COPG2: variants seen among roughly 807,000 people sequenced by gnomAD.
COPG2 encodes the protein coatomer subunit gamma-2.
In COPG2, 37 loss-of-function variants were observed where a neutral mutation model predicts 46.3. The ratio of observed to expected loss-of-function variants is 0.80; its 90% CI spans 0.61 to 1.05. The LOEUF is 1.05. Ranked by LOEUF, COPG2 falls within the 50% of genes least tolerant of loss-of-function variation. The pLI is 0.00. For synonymous variants in COPG2, 159 were observed against 129.7 expected, an observed-to-expected ratio of 1.23 and a Z score of -1.53; for missense variants, 427 against 387.8, an observed-to-expected ratio of 1.10 and a Z score of -0.85.
intron 15 of COPG2, 93 bp downstream of exon 15, chr7:130,552,262 T>TA (rs1793543179): frequency 2.5e-6 from 1 of 395,240 alleles, no homozygotes; most frequent in Admixed American, 4.4e-5. Context: ...TCTTAGGGCT[T>TA]AGAGTGCATC....
At chr7:130,552,572 T>C (rs1793549544) in intron 14 of COPG2, 142 bp from the exon 15 acceptor site, 1 of 392,358 alleles carries the variant, frequency 2.5e-6, no homozygotes, top group Non-Finnish European at 4.5e-6. Flanking sequence ...CTTGATCTTA[T>C]TTCTTTGATA....
At chr7:130,628,497 G>A (rs1435710522) in intron 5 of COPG2, among the ~76,000 whole-genome samples, 1 of 151,902 alleles carries the variant, frequency 6.6e-6, no homozygotes, top group Admixed American at 6.6e-5. Flanking sequence ...TTGTGCAATT[G>A]TTCTAATATA....
chr7:130,578,750 A>G lies in COPG2; in HGVS notation c.738-14357T>C, dbSNP rs566868874. Among the ~76,000 whole-genome samples, 988 of 152,224 alleles carry G rather than the reference A, an allele frequency of 6.5e-3. 9 individuals are homozygous for G. Among genetic ancestry groups the G allele is most frequent in the African/African-American group, 0.023 (935 of 41,506 alleles). On this transcript the variant is annotated intron_variant, in intron 9 of 23. Coordinates refer to ENST00000425248, the MANE Select transcript of COPG2 (RefSeq NM_012133.6). ...ATCAACTGGAAGAAAGGGTATCAGC[A>G]ATGGAAGATTAAATGAATGAAATGA...
chr7:130,546,803 T>C (rs1793451562), intron 20 of COPG2: 2 of 152,252 alleles, frequency 1.3e-5, no homozygotes, highest in Non-Finnish European at 2.9e-5. Flanking sequence ...AGTGCTTTTA[T>C]GATTTATTGT....
chr7:130,655,017 G>C (rs1795822749), intron 4 of COPG2, among the ~76,000 whole-genome samples: 2 of 151,938 alleles, frequency 1.3e-5, no homozygotes, highest in African/African-American at 4.8e-5. Context: ...TAAGCATATA[G>C]ATCATGTTAA....
At chr7:130,587,418 A>G (rs1794298415) in intron 9 of COPG2, among the ~76,000 whole-genome samples, 1 of 152,132 alleles carries the variant, frequency 6.6e-6, no homozygotes, top group South Asian at 2.1e-4. Flanking sequence ...TTGTTACTAC[A>G]AAAATCATTC....
At chr7:130,531,557 T>A (rs1584964810) in intron 20 of COPG2, among the ~76,000 whole-genome samples, 1 of 148,368 alleles carries the variant, frequency 6.7e-6, no homozygotes. Context: ...GCACAAAGGG[T>A]GGGGTGGGAG....
intron 9 of COPG2, among the ~76,000 whole-genome samples, chr7:130,589,038 T>C (rs1309628574): frequency 6.6e-6 from 1 of 152,230 alleles, no homozygotes. Flanking sequence ...CACACAGTTT[T>C]TTTTTTCATG....
intron 5 of COPG2, among the ~76,000 whole-genome samples, chr7:130,644,071 C>T (rs1400742443): frequency 6.6e-6 from 1 of 152,162 alleles, no homozygotes; most frequent in Non-Finnish European, 1.5e-5. Flanking sequence ...CTCTCCGATT[C>T]TATTACTTAG....
intron 7 of COPG2, among the ~76,000 whole-genome samples, chr7:130,612,854 A>G (rs1794876033): frequency 6.6e-6 from 1 of 152,204 alleles, no homozygotes; most frequent in Non-Finnish European, 1.5e-5. Flanking sequence ...CAGAAAAAGC[A>G]GAGGACAAAG....
At chr7:130,539,530 A>G (rs920194582) in intron 20 of COPG2, among the ~76,000 whole-genome samples, 5 of 152,222 alleles carry the variant, frequency 3.3e-5, no homozygotes, top group Non-Finnish European at 7.3e-5. Context: ...GCACATCCCT[A>G]TGGAGAAGAG....
intron 20 of COPG2, among the ~76,000 whole-genome samples, chr7:130,533,963 C>T (rs1367255797): frequency 1.4e-5 from 1 of 70,606 alleles, no homozygotes; most frequent in Admixed American, 2.4e-4. Context: ...GAGAAATAAC[C>T]TCATGAATTT....
chr7:130,640,450 T>A (rs1554457041), intron 5 of COPG2, among the ~76,000 whole-genome samples: 1 of 145,908 alleles, frequency 6.9e-6, no homozygotes, highest in East Asian at 1.9e-4. Context: ...ATTATTATTA[T>A]TTATTATTTG....
intron 20 of COPG2, among the ~76,000 whole-genome samples, chr7:130,546,619 C>T (rs970456602): frequency 2.0e-5 from 3 of 152,146 alleles, no homozygotes; most frequent in Admixed American, 6.5e-5. Flanking sequence ...GTGGTGCCAA[C>T]GTGAATCTAC....
intron 5 of COPG2, among the ~76,000 whole-genome samples, chr7:130,640,066 G>C (rs1795433439): frequency 6.6e-6 from 1 of 151,348 alleles, no homozygotes; most frequent in Non-Finnish European, 1.5e-5. Flanking sequence ...AACTAGGGCT[G>C]ACCTCAGGAC....
At chr7:130,578,025 A>C (rs1419874571) in intron 9 of COPG2, among the ~76,000 whole-genome samples, 5 of 152,242 alleles carry the variant, frequency 3.3e-5, no homozygotes, top group African/African-American at 1.2e-4. Context: ...CTGCCTCTGT[A>C]GGCTCCACCT....
chr7:130,515,924 G>A (rs1049621973), intron 20 of COPG2, among the ~76,000 whole-genome samples: 94 of 152,018 alleles, frequency 6.2e-4, no homozygotes, highest in Middle Eastern at 3.4e-3. Flanking sequence ...AGGAGAGAAC[G>A]TGGCTAGGTA....
In COPG2 at chr7:130,607,836, T is replaced by G. The variant is rs374218450; in HGVS notation, c.737+3117A>C. ...GAATTACAGAATGCCCTCAGGAGAATAGCAAAAAAACCCCACAAATTTCAC... is the reference window on the plus strand; with the variant it reads ...GAATTACAGAATGCCCTCAGGAGAAGAGCAAAAAAACCCCACAAATTTCAC... On this transcript the variant is annotated intron_variant, in intron 9 of 23. Transcript: ENST00000425248. 1.4e-4 allele frequency: 72 copies of G among 518,132 alleles called. No homozygotes were observed. In the East Asian group the frequency reaches 2.6e-3, roughly 19 times the overall value. 32.1% of individuals were successfully genotyped at this position (518,132 alleles called of 1,614,324 possible). A position where few individuals can be genotyped will look rare whatever the true frequency, so the allele number is the denominator to read the frequency against.
intron 3 of COPG2, among the ~76,000 whole-genome samples, chr7:130,664,388 A>G (rs1159550262): frequency 6.6e-6 from 1 of 152,242 alleles, no homozygotes; most frequent in Non-Finnish European, 1.5e-5. Context: ...GCTCATCAGC[A>G]TGAGATTTAT....
Sources: gnomAD v4.1 joint callset for allele counts (sites outside exome capture counted in the v4.1 genomes callset) on GRCh38, gnomAD v4.1.1 for gene constraint, MANE v1.5 for transcripts, NCBI Gene and HGNC (gene_info 2026-07-23, HGNC 2026-07-21) for gene names.